Variants in MIA2 observed in about 807,000 individuals in gnomAD.
MIA2 encodes the protein MIA SH3 domain ER export factor 2.
In MIA2, 127 loss-of-function variants were observed where a neutral mutation model predicts 167.8. The ratio of observed to expected loss-of-function variants is 0.76; its 90% CI spans 0.66 to 0.88. The LOEUF is 0.88. Ranked by LOEUF, MIA2 falls within the 40% of genes least tolerant of loss-of-function variation. MIA2 has a pLI of 0.00. For synonymous variants in MIA2, 552 were observed against 541.9 expected, an observed-to-expected ratio of 1.02 and a Z score of -0.26; for missense variants, 1,690 against 1,624.7, an observed-to-expected ratio of 1.04 and a Z score of -0.69.
chr14:39,269,100 G>GTTT, intron 6 of MIA2: 1 of 314,022 alleles, frequency 3.2e-6, no homozygotes, highest in Non-Finnish European at 3.8e-6. Flanking sequence ...TTTTTTTTTT[G>GTTT]CTAAATGCGA....
intron 23 of MIA2, among the ~76,000 whole-genome samples, chr14:39,366,378 G>T (rs2074822763): frequency 6.6e-6 from 1 of 152,186 alleles, no homozygotes; most frequent in Admixed American, 6.5e-5. Flanking sequence ...GTGCCCCTGG[G>T]CAGTGTGTGT....
intron 15 of MIA2, among the ~76,000 whole-genome samples, chr14:39,303,259 T>C (rs2062814928): frequency 6.6e-6 from 1 of 152,168 alleles, no homozygotes; most frequent in Non-Finnish European, 1.5e-5. Context: ...GAGTTAGAGC[T>C]GAAGAACCTT....
At chr14:39,335,600 A>G (rs35530272) in intron 25 of MIA2, among the ~76,000 whole-genome samples, 53,183 of 152,080 alleles carry the variant, frequency 0.35, 10,972 homozygotes, top group Non-Finnish European at 0.46. Context: ...TTTAAAAAAT[A>G]TTTTAATAAT....
intron 10 of MIA2, 53 bp from the exon 11 acceptor site, chr14:39,293,218 T>G: frequency 1.7e-6 from 2 of 1,183,928 alleles, no homozygotes; most frequent in Non-Finnish European, 2.5e-6. Flanking sequence ...TCGTCTGATT[T>G]CCCTAATGAA....
chr14:39,386,318 C>A, intron 23 of MIA2: 3 of 1,492,150 alleles, frequency 2.0e-6, no homozygotes, highest in Non-Finnish European at 2.8e-6. Flanking sequence ...TGTGCTGGGA[C>A]CATCACTGAT....
chr14:39,355,154 G>A (rs1461296438), downstream of MIA2, among the ~76,000 whole-genome samples: 4 of 150,544 alleles, frequency 2.7e-5, no homozygotes, highest in Admixed American at 2.0e-4. Context: ...GGGCAGTATG[G>A]CCATTTTCAC....
At chr14:39,268,343 A>G (rs1281401365) in intron 6 of MIA2, among the ~76,000 whole-genome samples, 1 of 152,184 alleles carries the variant, frequency 6.6e-6, no homozygotes, top group Non-Finnish European at 1.5e-5. Flanking sequence ...TGTCTAATGC[A>G]TACGCATATA....
intron 24 of MIA2, among the ~76,000 whole-genome samples, chr14:39,323,872 T>C (rs1291201833): frequency 1.3e-5 from 2 of 152,214 alleles, no homozygotes; most frequent in African/African-American, 4.8e-5. Context: ...TGTGTTTAGA[T>C]TATCTGCAAG....
intron 25 of MIA2, among the ~76,000 whole-genome samples, chr14:39,337,182 A>T (rs2070627953): frequency 6.6e-6 from 1 of 152,244 alleles, no homozygotes; most frequent in Non-Finnish European, 1.5e-5. Context: ...AAGTAAAAGG[A>T]TAGAAAAGAT....
chr14:39,304,475 G>T, intron 17 of MIA2, 94 bp downstream of exon 17: 1 of 654,386 alleles, frequency 1.5e-6, no homozygotes, highest in Non-Finnish European at 2.5e-6. Flanking sequence ...ACTTTGGGAA[G>T]ATCCAATTTT....
chr14:39,346,119 C>G (rs959192517), intron 26 of MIA2, 93 bp downstream of exon 26: 23 of 1,049,532 alleles, frequency 2.2e-5, no homozygotes, highest in Non-Finnish European at 3.1e-5. Context: ...ATTGCTATCT[C>G]TAGTAGTTCC....
At chr14:39,277,891 T>C (rs1255169865) in intron 7 of MIA2, among the ~76,000 whole-genome samples, 11 of 151,138 alleles carry the variant, frequency 7.3e-5, no homozygotes, top group Non-Finnish European at 1.0e-4. Flanking sequence ...ACTCCTGGGC[T>C]TAAGCAATCC....
chr14:39,292,049 T>G (rs146916179), intron 10 of MIA2, among the ~76,000 whole-genome samples: 3 of 152,308 alleles, frequency 2.0e-5, no homozygotes, highest in African/African-American at 7.2e-5. Context: ...TCTAGTAGAG[T>G]CCAAAGGAAG....
chr14:39,319,137 T>A (rs1329665642), intron 22 of MIA2, 72 bp from the exon 23 acceptor site: 1 of 738,646 alleles, frequency 1.4e-6, no homozygotes, highest in East Asian at 2.5e-5. Context: ...AGCTTGTAGT[T>A]GGTAGAGGCA....
rs758319918 is a variant in MIA2, at chr14:39,247,593, AT to A, written c.1023del (p.Asn343IlefsTer17). On this transcript the variant is annotated frameshift_variant, in exon 4 of 29. Coordinates refer to ENST00000640607, the MANE Select transcript of MIA2 (RefSeq NM_001329214.4). LOFTEE classifies it high-confidence loss of function. ...IAEESNPPLQ[D>X]FPNSISSDKE... ...GAAGAAAGCAATCCACCACTACAAG[AT>A]TTTCCCAATTCCATATCATCTGATA... 5 of 1,613,962 alleles carry A rather than the reference AT, an allele frequency of 3.1e-6. No individual in the cohort carries two copies. In the East Asian group the frequency reaches 8.9e-5, roughly 29 times the overall value.
At chr14:39,355,417 T>C (rs1249097454), downstream of MIA2, among the ~76,000 whole-genome samples, 1 of 152,208 alleles carries the variant, frequency 6.6e-6, no homozygotes, top group Non-Finnish European at 1.5e-5. Flanking sequence ...CCTGAGACTT[T>C]GCTGAAGTTG....
chr14:39,386,806 C>A, intron 23 of MIA2: 1 of 1,011,968 alleles, frequency 9.9e-7, no homozygotes, highest in African/African-American at 1.6e-5. Flanking sequence ...TTAGTGTCAC[C>A]ATTACTGATG....
chr14:39,292,282 C>T (rs1029808817), intron 10 of MIA2, among the ~76,000 whole-genome samples: 34 of 152,060 alleles, frequency 2.2e-4, no homozygotes, highest in African/African-American at 7.0e-4. Context: ...CTTGGTAATA[C>T]TGAGGATAAA....
intron 23 of MIA2, chr14:39,370,348 C>A (rs1382307996): frequency 1.4e-5 from 3 of 208,008 alleles, no homozygotes; most frequent in Non-Finnish European, 2.1e-5. Flanking sequence ...TGAAGTAGAT[C>A]CCCAGCTTTC....
Sources: gnomAD v4.1 joint callset for allele counts (sites outside exome capture counted in the v4.1 genomes callset) on GRCh38, gnomAD v4.1.1 for gene constraint, MANE v1.5 for transcripts, NCBI Gene and HGNC (gene_info 2026-07-23, HGNC 2026-07-21) for gene names.